The following NYAP2 variants were observed in gnomAD, a reference collection of about 807,000 sequenced individuals.
NYAP2 encodes the protein neuronal tyrosine-phosphorylated phosphoinositide-3-kinase adapter 2.
In NYAP2, 23 loss-of-function variants were observed where a neutral mutation model predicts 50.4. The observed-to-expected ratio is 0.46, with a 90% CI of 0.33 to 0.65. The LOEUF is 0.65. NYAP2 is among the 30% of genes least tolerant of loss of function. The pLI is 0.02. For synonymous variants in NYAP2, 394 were observed against 365.2 expected (o/e 1.08, Z -0.90); for missense variants, 885 against 861.0 (o/e 1.03, Z -0.35).
intron 4 of NYAP2, among the ~76,000 whole-genome samples, chr2:225,555,815 A>C (rs1691766687): frequency 1.3e-5 from 2 of 152,138 alleles, no homozygotes; most frequent in African/African-American, 2.4e-5. Flanking sequence ...CTGGTGAGGA[A>C]CACAGATGGA....
chr2:225,642,705 A>C (rs1693554164), intron 6 of NYAP2, among the ~76,000 whole-genome samples: 1 of 152,200 alleles, frequency 6.6e-6, no homozygotes. Flanking sequence ...CTGGAGGTAG[A>C]GTTGAAGTCA....
intron 5 of NYAP2, among the ~76,000 whole-genome samples, chr2:225,586,262 T>C (rs1280375531): frequency 6.6e-6 from 1 of 152,170 alleles, no homozygotes; most frequent in Admixed American, 6.5e-5. Context: ...TGGGGATTGG[T>C]CAATAGAGAA....
intron 4 of NYAP2, among the ~76,000 whole-genome samples, chr2:225,567,368 T>A (rs1691980472): frequency 6.6e-6 from 1 of 152,046 alleles, no homozygotes; most frequent in African/African-American, 2.4e-5. Flanking sequence ...AGAAAGAGAT[T>A]TGAAAACTTT....
intron 5 of NYAP2, among the ~76,000 whole-genome samples, chr2:225,602,427 C>G (rs148330935): frequency 6.6e-6 from 1 of 152,090 alleles, no homozygotes; most frequent in Non-Finnish European, 1.5e-5. Context: ...TGGAGGCAGG[C>G]TTTTTCTTAT....
intron 4 of NYAP2, among the ~76,000 whole-genome samples, chr2:225,575,215 C>T (rs1237875205): frequency 1.3e-5 from 2 of 152,106 alleles, no homozygotes; most frequent in African/African-American, 4.8e-5. Context: ...TTCCAGCCTC[C>T]AATATCAATT....
intron 5 of NYAP2, among the ~76,000 whole-genome samples, chr2:225,584,063 A>T (rs1692349333): frequency 6.6e-6 from 1 of 152,138 alleles, no homozygotes; most frequent in Non-Finnish European, 1.5e-5. Flanking sequence ...ACAAACAAAA[A>T]AAAAACCTTC....
At chr2:225,569,086 AG>A (rs1323885239) in intron 4 of NYAP2, among the ~76,000 whole-genome samples, 1 of 152,184 alleles carries the variant, frequency 6.6e-6, no homozygotes, top group Non-Finnish European at 1.5e-5. Flanking sequence ...TATGAGGGAT[AG>A]CAAATAATTT....
At chr2:225,523,107 C>T (rs1034654807) in intron 4 of NYAP2, among the ~76,000 whole-genome samples, 2 of 152,050 alleles carry the variant, frequency 1.3e-5, no homozygotes, top group Admixed American at 6.6e-5. Flanking sequence ...AAGTCAGCAC[C>T]AGTCAGGGCC....
intron 5 of NYAP2, among the ~76,000 whole-genome samples, chr2:225,587,598 G>T (rs866209241): frequency 1.3e-5 from 2 of 152,228 alleles, no homozygotes; most frequent in Non-Finnish European, 1.5e-5. Context: ...GTGTCTTCAG[G>T]TCTTTGGGTG....
chr2:225,600,971 G>A (rs908930888), intron 5 of NYAP2, among the ~76,000 whole-genome samples: 5 of 152,096 alleles, frequency 3.3e-5, no homozygotes, highest in African/African-American at 1.2e-4. Flanking sequence ...GGATATTTGG[G>A]TTGTTTCCAC....
the NYAP2 span, among the ~76,000 whole-genome samples, chr2:225,666,709 A>G: frequency 3.3e-5 from 5 of 152,138 alleles, no homozygotes; most frequent in Non-Finnish European, 7.3e-5. Context: ...CTTAGAGACA[A>G]TAGATGACAA....
At chr2:225,508,236 C>A (rs1473189367) in intron 3 of NYAP2, among the ~76,000 whole-genome samples, 3 of 152,154 alleles carry the variant, frequency 2.0e-5, no homozygotes, top group Non-Finnish European at 4.4e-5. Flanking sequence ...AGTCTTATTG[C>A]AACAAGACTC....
chr2:225,408,796 G>A (rs866300667), intron 2 of NYAP2, 68 bp from the exon 3 acceptor site: 2 of 787,130 alleles, frequency 2.5e-6, no homozygotes, highest in South Asian at 1.7e-5. Context: ...GAGTTGTTAG[G>A]GATAATAAAC....
the NYAP2 span, among the ~76,000 whole-genome samples, chr2:225,680,812 C>CA: frequency 6.6e-6 from 1 of 152,116 alleles, no homozygotes; most frequent in African/African-American, 2.4e-5. Context: ...GAGTTTCTCT[C>CA]ACCACTTACG....
At chr2:225,528,704 T>G (rs894582715) in intron 4 of NYAP2, among the ~76,000 whole-genome samples, 1 of 152,200 alleles carries the variant, frequency 6.6e-6, no homozygotes, top group African/African-American at 2.4e-5. Context: ...TAATGCACAG[T>G]GTTCTTGATA....
At chr2:225,605,058 A>G (rs748263108) in intron 5 of NYAP2, among the ~76,000 whole-genome samples, 14 of 152,072 alleles carry the variant, frequency 9.2e-5, no homozygotes, top group Non-Finnish European at 2.1e-4. Flanking sequence ...TCCTCTTAGC[A>G]TTTGGTGTTT....
chr2:225,512,935 A>G (rs1690859496), intron 3 of NYAP2, among the ~76,000 whole-genome samples: 1 of 142,830 alleles, frequency 7.0e-6, no homozygotes, highest in South Asian at 2.2e-4. Context: ...CTTTCGTAAC[A>G]GAACATTTAT....
At chr2:225,613,692 C>A (rs1692937807) in intron 5 of NYAP2, among the ~76,000 whole-genome samples, 2 of 152,014 alleles carry the variant, frequency 1.3e-5, no homozygotes, top group African/African-American at 4.8e-5. Flanking sequence ...GAACTGCATT[C>A]CTGACTTTCC....
At chr2:225,665,357 T>G in the NYAP2 span, among the ~76,000 whole-genome samples, 4 of 151,612 alleles carry the variant, frequency 2.6e-5, no homozygotes, top group Non-Finnish European at 5.9e-5. Flanking sequence ...GAAAAAAAAA[T>G]GTTTTTAAGT....
Sources: gnomAD v4.1 joint callset for allele counts (sites outside exome capture counted in the v4.1 genomes callset) on GRCh38, gnomAD v4.1.1 for gene constraint, MANE v1.5 for transcripts, NCBI Gene and HGNC (gene_info 2026-07-23, HGNC 2026-07-21) for gene names.